CCDC25: variants seen among roughly 807,000 people sequenced by gnomAD.
CCDC25 encodes the protein coiled-coil domain containing 25.
In CCDC25, 16 loss-of-function variants were observed where a neutral mutation model predicts 35.3. That is an observed-to-expected ratio of 0.45 (90% CI 0.31 to 0.69). The LOEUF (loss-of-function observed/expected upper bound fraction) is 0.69, where lower values mean the gene tolerates loss of function less well. Among genes scored for constraint, CCDC25 ranks in the 30% least tolerant of loss-of-function variants. The probability of loss-of-function intolerance (pLI) is 0.06; values close to 1 mark genes in which losing one functional copy is unlikely to be tolerated. For synonymous variants in CCDC25, 79 were observed against 80.3 expected (o/e 0.98, Z 0.09); for missense variants, 179 against 250.7 (o/e 0.71, Z 1.93).
chr8:27,742,682 T>C (rs1339025605), intron 7 of CCDC25, among the ~76,000 whole-genome samples: 2 of 152,210 alleles, frequency 1.3e-5, no homozygotes, highest in South Asian at 2.1e-4. Flanking sequence ...CTGGCCAACA[T>C]GGTGAAACCC....
chr8:27,742,590 C>G (rs1208080575), intron 7 of CCDC25, among the ~76,000 whole-genome samples: 4 of 152,102 alleles, frequency 2.6e-5, no homozygotes, highest in African/African-American at 4.8e-5. Flanking sequence ...TTGGGCTGGG[C>G]ACGGTAGCTC....
intron 3 of CCDC25, among the ~76,000 whole-genome samples, chr8:27,758,942 C>A (rs1464005750): frequency 6.6e-6 from 1 of 152,032 alleles, no homozygotes; most frequent in Non-Finnish European, 1.5e-5. Flanking sequence ...ATAGATACAC[C>A]TCTACAAAGA....
intron 7 of CCDC25, among the ~76,000 whole-genome samples, chr8:27,746,677 G>A (rs1803613856): frequency 6.6e-6 from 1 of 152,136 alleles, no homozygotes; most frequent in Non-Finnish European, 1.5e-5. Context: ...ACACAAAGCA[G>A]ACTCAGAATT....
At chr8:27,751,692 C>A (rs1213648066) in intron 5 of CCDC25, among the ~76,000 whole-genome samples, 1 of 152,182 alleles carries the variant, frequency 6.6e-6, no homozygotes, top group Non-Finnish European at 1.5e-5. Context: ...ACCCTAAAAT[C>A]GGATCTACTG....
chr8:27,740,661 G>T, intron 7 of CCDC25, 144 bp from the exon 8 acceptor site: 1 of 613,028 alleles, frequency 1.6e-6, no homozygotes, highest in Admixed American at 3.0e-5. Context: ...CTGCACTCAA[G>T]GAGATTGCAA....
intron 7 of CCDC25, among the ~76,000 whole-genome samples, chr8:27,745,710 C>T (rs62498015): frequency 0.35 from 52,592 of 152,180 alleles, 10,597 homozygotes; most frequent in Non-Finnish European, 0.45. Context: ...CAAGCAAAGA[C>T]TTGCAATGTC....
chr8:27,749,189 A>C (rs1385211324), intron 5 of CCDC25, among the ~76,000 whole-genome samples: 3 of 152,228 alleles, frequency 2.0e-5, no homozygotes, highest in African/African-American at 7.2e-5. Context: ...GGATGGAAGG[A>C]GTGCCAGGTA....
chr8:27,758,249 T>C (rs560655069), intron 3 of CCDC25, among the ~76,000 whole-genome samples: 3 of 152,336 alleles, frequency 2.0e-5, no homozygotes, highest in Non-Finnish European at 4.4e-5. Context: ...TCTTAAGCAC[T>C]AATAAATGTT....
At chr8:27,761,955 G>C (rs894180410) in intron 3 of CCDC25, among the ~76,000 whole-genome samples, 18 of 152,166 alleles carry the variant, frequency 1.2e-4, no homozygotes, top group African/African-American at 1.9e-4. Context: ...GTCGGGGTTG[G>C]ATCAAGACAG....
At chr8:27,769,025 G>A (rs1439185434) in intron 1 of CCDC25, among the ~76,000 whole-genome samples, 1 of 152,144 alleles carries the variant, frequency 6.6e-6, no homozygotes, top group Non-Finnish European at 1.5e-5. Context: ...TTCCTATGAA[G>A]ATTTTCTTCC....
At chr8:27,753,465 C>T (rs1803888425) in intron 4 of CCDC25, among the ~76,000 whole-genome samples, 1 of 152,128 alleles carries the variant, frequency 6.6e-6, no homozygotes, top group Non-Finnish European at 1.5e-5. Context: ...AATCTCAGCA[C>T]TTTGGGAAGC....
chr8:27,760,895 G>A (rs1341093125), intron 3 of CCDC25, among the ~76,000 whole-genome samples: 3 of 152,190 alleles, frequency 2.0e-5, no homozygotes, highest in African/African-American at 4.8e-5. Context: ...GGAGTCCAAC[G>A]CGGGTAGATC....
At chr8:27,748,376 T>C in intron 6 of CCDC25, 97 bp from the exon 7 acceptor site, 1 of 1,341,000 alleles carries the variant, frequency 7.5e-7, no homozygotes, top group Non-Finnish European at 1.1e-6. Context: ...CCCAGTTTAA[T>C]TCCCTTTAGA....
chr8:27,762,378 AATG>A (rs746988253), intron 3 of CCDC25, 38 bp downstream of exon 3: 2 of 1,579,806 alleles, frequency 1.3e-6, no homozygotes, highest in South Asian at 2.2e-5. Flanking sequence ...TAAGAAAGGA[AATG>A]ATGATCTACA....
In CCDC25 at chr8:27,735,093, T is replaced by C. The variant is rs547119614; in HGVS notation, c.*1123A>G. 5 of 152,720 alleles carry C rather than the reference T, an allele frequency of 3.3e-5. No individual in the cohort carries two copies. Among genetic ancestry groups the C allele is most frequent in the African/African-American group, 7.2e-5 (3 of 41,566 alleles). 9.5% of individuals were successfully genotyped at this position (152,720 alleles called of 1,614,324 possible). A position where few individuals can be genotyped will look rare whatever the true frequency, so the allele number is the denominator to read the frequency against. On this transcript the variant is annotated 3_prime_UTR_variant, in exon 9 of 9. Coordinates refer to ENST00000356537, the MANE Select transcript of CCDC25 (RefSeq NM_018246.3). ...TGGTATTTTATTATAACTTTTAAAA[T>C]TGCGGAACATCAGACTGAATATCAT...
At chr8:27,748,318 G>C in intron 6 of CCDC25, 39 bp from the exon 7 acceptor site, 1 of 1,566,712 alleles carries the variant, frequency 6.4e-7, no homozygotes, top group Non-Finnish European at 8.7e-7. Flanking sequence ...GCATCTTTTT[G>C]TTTTTTTTCT....
At chr8:27,763,554 C>T (rs1245975952) in intron 2 of CCDC25, among the ~76,000 whole-genome samples, 1 of 152,104 alleles carries the variant, frequency 6.6e-6, no homozygotes, top group Non-Finnish European at 1.5e-5. Context: ...CCCATCTCCA[C>T]TAAAATTACA....
At chr8:27,743,820 G>T (rs2128937472) in intron 7 of CCDC25, among the ~76,000 whole-genome samples, 1 of 152,280 alleles carries the variant, frequency 6.6e-6, no homozygotes, top group South Asian at 2.1e-4. Flanking sequence ...CTTGAGCCCA[G>T]GAATTGGAGG....
intron 4 of CCDC25, among the ~76,000 whole-genome samples, chr8:27,754,082 A>G (rs1803911207): frequency 6.6e-6 from 1 of 152,220 alleles, no homozygotes; most frequent in Non-Finnish European, 1.5e-5. Context: ...TTAGCAAACT[A>G]TGTACATCTT....
Sources: gnomAD v4.1 joint callset for allele counts (sites outside exome capture counted in the v4.1 genomes callset) on GRCh38, gnomAD v4.1.1 for gene constraint, MANE v1.5 for transcripts, NCBI Gene and HGNC (gene_info 2026-07-23, HGNC 2026-07-21) for gene names.